The following EPHA3 variants were observed in gnomAD, a reference collection of about 807,000 sequenced individuals.
The protein encoded by EPHA3 is ephrin type-A receptor 3.
A neutral mutation model predicts 107.1 loss-of-function variants in EPHA3; 42 were observed. The observed-to-expected ratio is 0.39, with a 90% CI of 0.31 to 0.51. The LOEUF is 0.51. EPHA3 is among the 20% of genes least tolerant of loss of function. The pLI, the probability that EPHA3 is intolerant of heterozygous loss-of-function variation, is 0.78. For missense variants in EPHA3, 1,183 were observed against 1,211.2 expected (o/e 0.98, Z 0.35); for synonymous variants, 461 against 424.8 (o/e 1.09, Z -1.05).
At chr3:89,142,813 A>G (rs1306674334) in intron 2 of EPHA3, among the ~76,000 whole-genome samples, 2 of 151,462 alleles carry the variant, frequency 1.3e-5, no homozygotes, top group Non-Finnish European at 3.0e-5. Context: ...CCAGTGAGCC[A>G]TCAAATCTTT....
chr3:89,188,072 A>G (rs938957686), intron 2 of EPHA3, among the ~76,000 whole-genome samples: 2 of 152,206 alleles, frequency 1.3e-5, no homozygotes, highest in African/African-American at 2.4e-5. Context: ...AAAGAAAACT[A>G]GTAGGCAGAA....
chr3:89,383,863 T>C (rs1318503236), intron 5 of EPHA3, among the ~76,000 whole-genome samples: 1 of 151,798 alleles, frequency 6.6e-6, no homozygotes, highest in African/African-American at 2.4e-5. Flanking sequence ...TTAGCCAGGA[T>C]TGTCTCGATC....
At position 89,154,884 on chromosome 3, in the gene EPHA3, A is replaced by AAC. The variant is rs1449407176; in HGVS notation, c.153+27612_153+27613insCA. On this transcript the variant is annotated intron_variant, in intron 2 of 16. Coordinates refer to ENST00000336596, the MANE Select transcript of EPHA3 (RefSeq NM_005233.6). ...AGCATCTAAGAACATATATATATAAAATATATATTATATAATTATAATTAT... is the reference window on the plus strand; with the variant it reads ...AGCATCTAAGAACATATATATATAAAACATATATATTATATAATTATAATTAT... 1.6e-4 allele frequency among the ~76,000 whole-genome samples: 24 copies of AAC among 147,894 alleles called. No homozygotes were observed. The East Asian group carries it at 2.7e-3, about 17-fold the overall frequency.
chr3:89,432,421 C>T (rs1384847684), intron 13 of EPHA3, among the ~76,000 whole-genome samples: 1 of 151,958 alleles, frequency 6.6e-6, no homozygotes, highest in Non-Finnish European at 1.5e-5. Context: ...CTCACTCTGT[C>T]ACCCAGGCTG....
intron 2 of EPHA3, among the ~76,000 whole-genome samples, chr3:89,164,587 C>T (rs1387147485): frequency 6.6e-6 from 1 of 152,108 alleles, no homozygotes; most frequent in Non-Finnish European, 1.5e-5. Context: ...ACTAGTTTTT[C>T]TGTCTTCCTC....
chr3:89,425,403 G>GTTT (rs71621549), intron 11 of EPHA3, among the ~76,000 whole-genome samples: 1 of 136,462 alleles, frequency 7.3e-6, no homozygotes, highest in Non-Finnish European at 1.6e-5. Context: ...TCCATCTCCC[G>GTTT]TTTTTTTTTT....
chr3:89,440,676 C>T (rs1419362204), intron 13 of EPHA3, among the ~76,000 whole-genome samples: 1 of 152,192 alleles, frequency 6.6e-6, no homozygotes, highest in Non-Finnish European at 1.5e-5. Context: ...TGTGATTCCT[C>T]ATCTAACTGC....
intron 3 of EPHA3, among the ~76,000 whole-genome samples, chr3:89,320,572 G>T (rs1707019161): frequency 6.8e-6 from 1 of 147,716 alleles, no homozygotes; most frequent in African/African-American, 2.5e-5. Context: ...TAGGATATGA[G>T]ATTTTAAATG....
At chr3:89,399,263 T>C in intron 6 of EPHA3, 55 bp from the exon 7 acceptor site, 1 of 1,518,170 alleles carries the variant, frequency 6.6e-7, no homozygotes, top group African/African-American at 1.4e-5. Flanking sequence ...GTTTATCATT[T>C]TATAGCATTA....
At chr3:89,144,423 A>G (rs79752943) in intron 2 of EPHA3, among the ~76,000 whole-genome samples, 2,528 of 151,772 alleles carry the variant, frequency 0.017, 64 homozygotes, top group African/African-American at 0.056. Flanking sequence ...TTGAATTCTG[A>G]GTTTACAAAA....
chr3:89,325,294 T>G (rs1707140199), intron 3 of EPHA3, among the ~76,000 whole-genome samples: 1 of 152,190 alleles, frequency 6.6e-6, no homozygotes, highest in Non-Finnish European at 1.5e-5. Flanking sequence ...CCATAATCAC[T>G]TCTCTACCTA....
intron 3 of EPHA3, among the ~76,000 whole-genome samples, chr3:89,302,317 C>A (rs1436228525): frequency 6.6e-6 from 1 of 152,092 alleles, no homozygotes; most frequent in African/African-American, 2.4e-5. Flanking sequence ...CAGTTCCTTT[C>A]CCTTCATTCA....
chr3:89,477,992 C>T (rs1235260340), intron 16 of EPHA3, among the ~76,000 whole-genome samples: 1 of 151,946 alleles, frequency 6.6e-6, no homozygotes, highest in Non-Finnish European at 1.5e-5. Context: ...GATACAAGTA[C>T]AGAAAAGTTT....
chr3:89,225,905 C>T (rs1472472159), intron 3 of EPHA3, among the ~76,000 whole-genome samples: 1 of 152,060 alleles, frequency 6.6e-6, no homozygotes, highest in East Asian at 1.9e-4. Context: ...TTGCCTGGGG[C>T]CACTGTGGGA....
intron 3 of EPHA3, among the ~76,000 whole-genome samples, chr3:89,291,486 G>A (rs1172593317): frequency 6.6e-6 from 1 of 152,054 alleles, no homozygotes; most frequent in Non-Finnish European, 1.5e-5. Flanking sequence ...TATAGATAAA[G>A]AACATTTGCT....
intron 1 of EPHA3, among the ~76,000 whole-genome samples, chr3:89,115,855 A>G (rs1442098701): frequency 6.6e-6 from 1 of 152,178 alleles, no homozygotes; most frequent in Non-Finnish European, 1.5e-5. Context: ...CCTAGACACA[A>G]ATGACTATGA....
chr3:89,177,448 T>C (rs1705345074), intron 2 of EPHA3, among the ~76,000 whole-genome samples: 1 of 152,180 alleles, frequency 6.6e-6, no homozygotes, highest in African/African-American at 2.4e-5. Context: ...TTCTCTCTTC[T>C]GATTTGATGT....
intron 15 of EPHA3, among the ~76,000 whole-genome samples, chr3:89,460,823 C>CTCTTTTTTTTTTT (rs1199238290): frequency 3.5e-3 from 353 of 102,292 alleles, no homozygotes; most frequent in Middle Eastern, 0.01. Context: ...CTCTGTCTCT[C>CTCTTTTTTTTTTT]TTTTTTTTTT....
At chr3:89,223,025 A>G (rs1467088460) in intron 3 of EPHA3, among the ~76,000 whole-genome samples, 1 of 152,148 alleles carries the variant, frequency 6.6e-6, no homozygotes, top group Non-Finnish European at 1.5e-5. Flanking sequence ...CAAAATCTAA[A>G]AGCTTATTTA....
Sources: gnomAD v4.1 joint callset for allele counts (sites outside exome capture counted in the v4.1 genomes callset) on GRCh38, gnomAD v4.1.1 for gene constraint, MANE v1.5 for transcripts, NCBI Gene and HGNC (gene_info 2026-07-23, HGNC 2026-07-21) for gene names.